PDE4D: variants seen among roughly 807,000 people sequenced by gnomAD.
PDE4D encodes phosphodiesterase 4D.
In PDE4D, 24 loss-of-function variants were observed where a neutral mutation model predicts 87.4. That is an observed-to-expected ratio of 0.27 (90% confidence interval 0.20 to 0.39). The LOEUF is 0.39. PDE4D is among the 10% of genes least tolerant of loss of function. PDE4D has a pLI of 1.00. For missense variants in PDE4D, 714 were observed against 1,041.0 expected (o/e 0.69, Z 4.32); for synonymous variants, 384 against 383.2 (o/e 1.00, Z -0.02).
At chr5:59,221,227 T>G (rs534744283) in intron 1 of PDE4D, among the ~76,000 whole-genome samples, 30 of 152,256 alleles carry the variant, frequency 2.0e-4, no homozygotes, top group Non-Finnish European at 4.3e-4. Flanking sequence ...TGAAGTTTCA[T>G]TTAAAAAAAT....
intron 1 of PDE4D, among the ~76,000 whole-genome samples, chr5:59,789,002 A>G (rs1437139247): frequency 6.6e-6 from 1 of 152,254 alleles, no homozygotes; most frequent in Non-Finnish European, 1.5e-5. Context: ...CTTCAACAGT[A>G]CAATACTGTT....
At chr5:59,708,938 C>T (rs1753825691) in intron 1 of PDE4D, among the ~76,000 whole-genome samples, 1 of 149,768 alleles carries the variant, frequency 6.7e-6, no homozygotes, top group East Asian at 1.9e-4. Flanking sequence ...GATATCCCTT[C>T]CTCCAACCCA....
chr5:59,970,661 C>G (rs1160624639), intron 3 of PDE4D, among the ~76,000 whole-genome samples: 13 of 150,632 alleles, frequency 8.6e-5, no homozygotes, highest in Non-Finnish European at 1.8e-4. Context: ...AATGAGATAC[C>G]ATCTCACACC....
chr5:59,605,006 C>T (rs1445127378), intron 1 of PDE4D, among the ~76,000 whole-genome samples: 1 of 151,920 alleles, frequency 6.6e-6, no homozygotes, highest in East Asian at 1.9e-4. Context: ...AAAACAACAA[C>T]AAAAGTCTGT....
At chr5:59,022,016 T>C (rs1188244541) in intron 6 of PDE4D, among the ~76,000 whole-genome samples, 1 of 152,128 alleles carries the variant, frequency 6.6e-6, no homozygotes, top group Non-Finnish European at 1.5e-5. Flanking sequence ...GCATGACTCA[T>C]GGAGGCAACA....
At chr5:59,818,979 C>T (rs2963818) in intron 1 of PDE4D, among the ~76,000 whole-genome samples, 55,972 of 151,804 alleles carry the variant, frequency 0.37, 12,042 homozygotes, top group Admixed American at 0.48. Context: ...TACTGTGGTC[C>T]CCAATGTTGA....
chr5:59,525,509 C>T (rs369209972), intron 1 of PDE4D, among the ~76,000 whole-genome samples: 13 of 152,178 alleles, frequency 8.5e-5, no homozygotes, highest in African/African-American at 2.4e-4. Context: ...TTGTCTCAGT[C>T]GAGACTTTGG....
At chr5:59,930,163 C>CAAAAAAA (rs35465849) in intron 3 of PDE4D, among the ~76,000 whole-genome samples, 1 of 82,956 alleles carries the variant, frequency 1.2e-5, no homozygotes, top group Admixed American at 1.4e-4. Context: ...ACTCCGTCTC[C>CAAAAAAA]AAAAAAAAAA....
At chr5:59,082,902 T>C (rs1187144870) in intron 5 of PDE4D, among the ~76,000 whole-genome samples, 1 of 152,196 alleles carries the variant, frequency 6.6e-6, no homozygotes, top group African/African-American at 2.4e-5. Flanking sequence ...CTAGGCCTAC[T>C]ACTACACAGT....
At chr5:60,413,546 A>G (rs1742219022) in intron 1 of PDE4D, among the ~76,000 whole-genome samples, 1 of 152,184 alleles carries the variant, frequency 6.6e-6, no homozygotes, top group South Asian at 2.1e-4. Context: ...ACACTTGGTA[A>G]AAGGGCATAA....
chr5:59,495,760 A>G (rs975725313), intron 1 of PDE4D, among the ~76,000 whole-genome samples: 11 of 152,080 alleles, frequency 7.2e-5, no homozygotes, highest in Non-Finnish European at 1.5e-4. Context: ...CCCCCTTGCA[A>G]GGTGTGCAAC....
intron 1 of PDE4D, among the ~76,000 whole-genome samples, chr5:59,596,069 C>T (rs942598112): frequency 6.6e-6 from 1 of 151,384 alleles, no homozygotes; most frequent in Admixed American, 6.6e-5. Flanking sequence ...CTGGAAGAGG[C>T]TGCATCAGAG....
intron 1 of PDE4D, among the ~76,000 whole-genome samples, chr5:59,698,449 C>T (rs1317071819): frequency 1.3e-5 from 2 of 151,908 alleles, no homozygotes; most frequent in East Asian, 1.9e-4. Flanking sequence ...TATTACCCAA[C>T]ATGAAGGGTC....
At chr5:60,281,076 G>C (rs529240630) in intron 1 of PDE4D, among the ~76,000 whole-genome samples, 3 of 152,276 alleles carry the variant, frequency 2.0e-5, no homozygotes, top group Admixed American at 6.5e-5. Context: ...TATTGAAAAA[G>C]AGATACATAC....
chr5:59,870,728 A>T (rs1262324212), intron 1 of PDE4D, among the ~76,000 whole-genome samples: 4 of 152,204 alleles, frequency 2.6e-5, no homozygotes, highest in East Asian at 3.8e-4. Context: ...CTAAAGCCTC[A>T]CCACTGCTGC....
intron 1 of PDE4D, among the ~76,000 whole-genome samples, chr5:59,809,976 A>G (rs1005833830): frequency 6.6e-6 from 1 of 152,226 alleles, no homozygotes; most frequent in African/African-American, 2.4e-5. Context: ...AAAAATGTAT[A>G]CTGCTTGAAA....
intron 1 of PDE4D, among the ~76,000 whole-genome samples, chr5:59,241,138 C>T (rs1757583806): frequency 6.6e-6 from 1 of 152,134 alleles, no homozygotes; most frequent in African/African-American, 2.4e-5. Context: ...TTAAGAATTT[C>T]TGCTATGAAA....
chr5:60,472,677 T>C (rs1050876847), intron 1 of PDE4D, among the ~76,000 whole-genome samples: 2 of 152,188 alleles, frequency 1.3e-5, no homozygotes, highest in Non-Finnish European at 1.5e-5. Context: ...CCTATTTCAT[T>C]GTCACCTAGG....
intron 1 of PDE4D, among the ~76,000 whole-genome samples, chr5:60,189,960 T>G (rs1389677841): frequency 1.5e-5 from 2 of 136,078 alleles, no homozygotes; most frequent in African/African-American, 3.0e-5. Flanking sequence ...AAAAGATATA[T>G]TTTTCTAGGG....
Sources: allele counts gnomAD v4.1 joint callset (sites outside exome capture counted in the v4.1 genomes callset), GRCh38; gene constraint gnomAD v4.1.1; transcripts MANE v1.5; gene names NCBI Gene and HGNC (gene_info 2026-07-23, HGNC 2026-07-21).